Variants in NDC1 observed in about 807,000 individuals in gnomAD.
NDC1 encodes nucleoporin NDC1.
In NDC1, 24 loss-of-function variants were observed where a neutral mutation model predicts 89.8. The observed-to-expected ratio is 0.27, with a 90% confidence interval of 0.19 to 0.38. The LOEUF (loss-of-function observed/expected upper bound fraction) is 0.38, where lower values mean the gene tolerates loss of function less well. NDC1 is among the 10% of genes least tolerant of loss of function. The probability of loss-of-function intolerance (pLI) is 1.00; values close to 1 mark genes in which losing one functional copy is unlikely to be tolerated. For missense variants in NDC1, 728 were observed against 797.6 expected (o/e 0.91, Z 1.05); for synonymous variants, 296 against 284.8 (o/e 1.04, Z -0.39).
intron 6 of NDC1, among the ~76,000 whole-genome samples, chr1:53,815,115 AC>A: frequency 6.6e-6 from 1 of 152,330 alleles, no homozygotes; most frequent in South Asian, 2.1e-4. Flanking sequence ...AGCCAGCATC[AC>A]CCTAATACCA....
chr1:53,807,863 A>C, intron 7 of NDC1, 72 bp from the exon 8 acceptor site: 5 of 1,303,424 alleles, frequency 3.8e-6, no homozygotes, highest in Non-Finnish European at 4.3e-6. Flanking sequence ...TTAAGTCTCC[A>C]CATTGAGACA....
chr1:53,831,483 G>A (rs1040566060), intron 3 of NDC1, among the ~76,000 whole-genome samples: 3 of 151,830 alleles, frequency 2.0e-5, no homozygotes, highest in Middle Eastern at 6.8e-3. Context: ...GACCATCCTG[G>A]CCAACATGGT....
chr1:53,772,951 A>T (rs1440478215), intron 16 of NDC1, among the ~76,000 whole-genome samples: 2 of 152,040 alleles, frequency 1.3e-5, no homozygotes, highest in Non-Finnish European at 2.9e-5. Context: ...GACAGTTACC[A>T]GGCCCCCCCC....
intron 16 of NDC1, among the ~76,000 whole-genome samples, chr1:53,776,242 C>G (rs1198490696): frequency 3.3e-5 from 5 of 152,140 alleles, no homozygotes; most frequent in Non-Finnish European, 7.3e-5. Flanking sequence ...CAGGTGTGAG[C>G]TACCGCGCCC....
At chr1:53,775,538 C>T (rs1050194072) in intron 16 of NDC1, among the ~76,000 whole-genome samples, 2 of 152,166 alleles carry the variant, frequency 1.3e-5, no homozygotes, top group Admixed American at 1.3e-4. Context: ...GGATTACAGG[C>T]ATGAGCTACC....
intron 11 of NDC1, among the ~76,000 whole-genome samples, chr1:53,798,254 C>T (rs977442389): frequency 5.3e-5 from 8 of 149,698 alleles, no homozygotes; most frequent in African/African-American, 2.0e-4. Flanking sequence ...CTGCAACCTC[C>T]GACTCCCTGG....
chr1:53,786,704 T>C (rs1647317974), intron 16 of NDC1, among the ~76,000 whole-genome samples: 2 of 152,130 alleles, frequency 1.3e-5, no homozygotes, highest in Non-Finnish European at 2.9e-5. Context: ...TTTAGTTTTG[T>C]TTTTTAAAAT....
At chr1:53,837,571 CA>C (rs199801630) in intron 1 of NDC1, among the ~76,000 whole-genome samples, 2,734 of 123,896 alleles carry the variant, frequency 0.022, 53 homozygotes, top group African/African-American at 0.056. Flanking sequence ...GCCTCCGGCT[CA>C]AAAAAAAAAA....
rs1451797373 is a variant in NDC1 at position 53,820,209 on chromosome 1, TGCACCA to T, written c.595-1136_595-1131del. Among the ~76,000 whole-genome samples, 3 of 151,018 alleles carry T rather than the reference TGCACCA, an allele frequency of 2.0e-5. No homozygotes were observed. The East Asian group carries it at 5.8e-4, about 29-fold the overall frequency. ...GGCAGAGGTTGCAGTAAGCCAAGAC[TGCACCA>T]CTGCACTCCAGCCTGGGCAACAGAG... On this transcript the variant is annotated intron_variant, in intron 5 of 17. Coordinates refer to ENST00000371429, the MANE Select transcript of NDC1 (RefSeq NM_018087.5).
intron 6 of NDC1, among the ~76,000 whole-genome samples, chr1:53,816,980 A>C (rs1466375230): frequency 6.6e-6 from 1 of 152,210 alleles, no homozygotes; most frequent in Admixed American, 6.5e-5. Context: ...TAATCAAAAA[A>C]TCAAAAAACA....
Position 53,825,900 on chromosome 1 carries a change from T to C in NDC1, c.492A>G (p.Glu164=), listed in dbSNP as rs765401185. Residue 164 remains glutamate (E), a synonymous_variant, in exon 5 of 18, where the codon GAA becomes GAG. Transcript: ENST00000371429. ...GSPAAQTCLN[E]YHLFFLLTGA... is the part of the protein sequence containing the mutation. ...CAGTCAGTAGGAAAAAAAGATGATA[T>C]TCATTTAAGCAGGTTTGCGCAGCAG... The C allele has an allele frequency of 3.1e-6, 5 of 1,611,160 alleles. No homozygotes were observed. The highest frequency in any genetic ancestry group is 2.2e-5 in the South Asian group (2 of 89,998).
rs1376399114 is a variant in NDC1, at chr1:53,830,858, G to A, written c.280+1632C>T. On this transcript the variant is annotated intron_variant, in intron 3 of 17. Transcript: ENST00000371429. ...GCCTGGGCAACAAGAGTGAAACTCCGTCTCAAAAAAAAAAAATTCCTCCCG... is the reference window on the plus strand; with the variant it reads ...GCCTGGGCAACAAGAGTGAAACTCCATCTCAAAAAAAAAAAATTCCTCCCG... Among the ~76,000 whole-genome samples, 12 of 145,944 alleles carry A rather than the reference G, an allele frequency of 8.2e-5. No individual in the cohort carries two copies. The South Asian group carries it at 1.1e-3, about 14-fold the overall frequency.
intron 11 of NDC1, among the ~76,000 whole-genome samples, chr1:53,798,292 C>T (rs990383494): frequency 1.3e-5 from 2 of 150,790 alleles, no homozygotes; most frequent in East Asian, 3.9e-4. Context: ...GCCTCAGCCT[C>T]CCGAGTAGCT....
chr1:53,828,525 G>A (rs1253634714), intron 3 of NDC1, among the ~76,000 whole-genome samples: 1 of 151,804 alleles, frequency 6.6e-6, no homozygotes, highest in African/African-American at 2.4e-5. Context: ...ATGGACTACT[G>A]TAATGGTCTT....
intron 10 of NDC1, among the ~76,000 whole-genome samples, chr1:53,802,842 C>T (rs1421263125): frequency 6.6e-6 from 1 of 152,092 alleles, no homozygotes; most frequent in East Asian, 1.9e-4. Flanking sequence ...TGAGAGCATC[C>T]TTGAGTCACC....
At chr1:53,838,143 A>C (rs926851542) in intron 1 of NDC1, 62 bp downstream of exon 1, 11 of 1,479,906 alleles carry the variant, frequency 7.4e-6, no homozygotes, top group Non-Finnish European at 2.7e-6. Flanking sequence ...CGCACGCGCG[A>C]TCAGAGCTTG....
intron 13 of NDC1, among the ~76,000 whole-genome samples, chr1:53,795,382 G>A (rs773739463): frequency 2.0e-5 from 3 of 151,964 alleles, no homozygotes; most frequent in Non-Finnish European, 4.4e-5. Flanking sequence ...CTACACTACC[G>A]CTATATGCCT....
intron 17 of NDC1, among the ~76,000 whole-genome samples, chr1:53,769,023 T>C (rs1647090044): frequency 2.0e-5 from 3 of 152,124 alleles, no homozygotes; most frequent in African/African-American, 7.2e-5. Flanking sequence ...CAAATAAATT[T>C]TGATATGGGC....
intron 14 of NDC1, among the ~76,000 whole-genome samples, chr1:53,792,184 C>T (rs907412405): frequency 5.9e-5 from 9 of 152,088 alleles, no homozygotes; most frequent in African/African-American, 1.7e-4. Context: ...CCTCGTGATC[C>T]GCCCGCCTTG....
Sources: gnomAD v4.1 joint callset for allele counts (sites outside exome capture counted in the v4.1 genomes callset) on GRCh38, gnomAD v4.1.1 for gene constraint, MANE v1.5 for transcripts, NCBI Gene and HGNC (gene_info 2026-07-23, HGNC 2026-07-21) for gene names.